Variants in R3HDM4 observed in about 807,000 individuals in gnomAD.
R3HDM4 encodes R3H domain containing 4, also known as R3H domain-containing protein 4.
Under a neutral mutation model 31.3 loss-of-function variants are expected in R3HDM4, and 30 were observed. The ratio of observed to expected loss-of-function variants is 0.96; its 90% CI spans 0.72 to 1.30. R3HDM4 has a LOEUF of 1.30. Ranked by LOEUF, R3HDM4 falls within the 50% of genes most tolerant of loss-of-function variation. The pLI, the probability that R3HDM4 is intolerant of heterozygous loss-of-function variation, is 0.00. For synonymous variants in R3HDM4, 196 were observed against 156.6 expected (o/e 1.25, Z -1.88); for missense variants, 444 against 366.1 (o/e 1.21, Z -1.74).
intron 1 of R3HDM4, among the ~76,000 whole-genome samples, chr19:911,410 C>G (rs564280384): frequency 1.3e-5 from 2 of 152,374 alleles, no homozygotes; most frequent in Non-Finnish European, 2.9e-5. Flanking sequence ...TGCCACTGCA[C>G]TCCAGCCTGG....
In R3HDM4 at chr19:900,108, T is replaced by C; in HGVS notation, c.514A>G (p.Ile172Val). 1.2e-6 allele frequency: 2 copies of C among 1,607,324 alleles called. No homozygotes were observed. Among genetic ancestry groups the C allele is most frequent in the Non-Finnish European group, 1.7e-6 (2 of 1,177,206 alleles). The change falls in exon 5 of 8, where the codon ATC becomes GTC. Residue 172 changes from isoleucine (I) to valine (V), a missense_variant. By Grantham distance (29) the Ile-to-Val change is conservative. Coordinates refer to ENST00000361574, the MANE Select transcript of R3HDM4 (RefSeq NM_138774.4). The stretch of plus-strand genomic sequence containing the variant: ...AGGACGGCTCGCAGACGCCGGCTGA[T>C]GCGCTGGAAGCACTCGCGGGGTGTA... ...AYTPRECFQR[I>V]SRRLRAVLKR...
At position 897,529 on chromosome 19, in the gene R3HDM4, C is replaced by T. The variant is rs2036756074; in HGVS notation, c.715G>A (p.Glu239Lys). 6.2e-7 allele frequency: 1 copy of T among 1,611,890 alleles called. No individual in the cohort carries two copies. The highest frequency in any genetic ancestry group is 8.5e-7 in the Non-Finnish European group (1 of 1,179,222). Reference sequence around the variant, plus strand: ...CTGACCTTCATCTGCCGCTTCCCCTCCAGGTCAGCACCTGCAGACGGGACC... The same window carrying T: ...CTGACCTTCATCTGCCGCTTCCCCTTCAGGTCAGCACCTGCAGACGGGACC... ...MDLISASADLEGKRQMKVSNR... is the reference protein window; with the variant it reads ...MDLISASADLKGKRQMKVSNR... The change falls in exon 8 of 8, where the codon GAG (glutamate) becomes AAG (lysine). Residue 239 changes from glutamate to lysine, a missense_variant. Coordinates refer to ENST00000361574, the MANE Select transcript of R3HDM4 (RefSeq NM_138774.4).
Position 906,714 on chromosome 19 carries a change from T to A in R3HDM4, c.72-4584A>T, listed in dbSNP as rs541487313. Reference sequence around the variant, plus strand: ...TGATCGTAAGTGTCGCTGGACTGAGTATTTTCCCCACATTGGGCTCATTTC... The same window carrying A: ...TGATCGTAAGTGTCGCTGGACTGAGAATTTTCCCCACATTGGGCTCATTTC... On this transcript the variant is annotated intron_variant, in intron 1 of 7. Coordinates refer to ENST00000361574, the MANE Select transcript of R3HDM4 (RefSeq NM_138774.4). 4.6e-5 allele frequency among the ~76,000 whole-genome samples: 7 copies of A among 152,190 alleles called. No individual in the cohort carries two copies. The South Asian group carries it at 1.5e-3, about 32-fold the overall frequency.
chr19:903,027 G>A (rs1156452890), intron 1 of R3HDM4, among the ~76,000 whole-genome samples: 1 of 152,216 alleles, frequency 6.6e-6, no homozygotes, highest in Non-Finnish European at 1.5e-5. Context: ...CACAGCAGGT[G>A]AATGACCAAG....
Position 907,189 on chromosome 19 carries a change from A to G in R3HDM4, c.72-5059T>C, listed in dbSNP as rs1214023393. On this transcript the variant is annotated intron_variant, in intron 1 of 7. Coordinates refer to ENST00000361574, the MANE Select transcript of R3HDM4 (RefSeq NM_138774.4). This position sits in a 1 kb window ranked among gnomAD's most constrained non-coding sequence, Gnocchi z 4.1. ...CCATTGCTGCAAAGAGGGCAGCTGG[A>G]GAAGGAGGTGGTGGACCATGCCCTC... Among the ~76,000 whole-genome samples, 2 of 152,174 alleles carry G rather than the reference A, an allele frequency of 1.3e-5. No individual in the cohort carries two copies. The highest frequency in any genetic ancestry group is 4.8e-5 in the African/African-American group (2 of 41,444).
At position 911,718 on chromosome 19, in the gene R3HDM4, C is replaced by A. The variant is rs541845719; in HGVS notation, c.71+1369G>T. ...CCTCCACCAACACGGACCCCAGGGG[C>A]GCACCCTGGGTCCCCGGGTCCCTGT... On this transcript the variant is annotated intron_variant, in intron 1 of 7. Transcript: ENST00000361574. 9.2e-5 allele frequency among the ~76,000 whole-genome samples: 14 copies of A among 152,104 alleles called. 1 individual carries two copies. In the South Asian group the frequency reaches 2.9e-3, roughly 32 times the overall value.
At chr19:910,942 AC>A (rs1318293911) in intron 1 of R3HDM4, among the ~76,000 whole-genome samples, 23 of 150,752 alleles carry the variant, frequency 1.5e-4, no homozygotes, top group Non-Finnish European at 2.1e-4. Context: ...ACACGGCAAA[AC>A]CCCCGTCTCT....
intron 1 of R3HDM4, 128 bp downstream of exon 1, chr19:912,959 G>T (rs951888912): frequency 2.3e-5 from 6 of 258,274 alleles, no homozygotes; most frequent in Non-Finnish European, 3.1e-5. Context: ...TGAGCAACGG[G>T]AGCGAGGGGA....
intron 1 of R3HDM4, among the ~76,000 whole-genome samples, chr19:909,377 G>A (rs752940858): frequency 6.6e-5 from 10 of 152,128 alleles, no homozygotes; most frequent in Admixed American, 1.3e-4. Flanking sequence ...AGACTGCGGC[G>A]GCCCCCAGCA....
intron 1 of R3HDM4, among the ~76,000 whole-genome samples, chr19:905,990 A>G (rs1324404314): frequency 6.6e-6 from 1 of 151,780 alleles, no homozygotes; most frequent in Non-Finnish European, 1.5e-5. Flanking sequence ...ATCTCAGCCC[A>G]GGGTGTGAAC....
At position 899,717 on chromosome 19, in the gene R3HDM4, T is replaced by A. The variant is rs1027392308; in HGVS notation, c.562-31A>T. 6.6e-7 allele frequency: 1 copy of A among 1,508,790 alleles called. No individual in the cohort carries two copies. Among genetic ancestry groups the A allele is most frequent in the Non-Finnish European group, 8.9e-7 (1 of 1,125,434 alleles). The allele number at this position is 1,508,790 out of a possible 1,614,324, so 93.5% of individuals were successfully genotyped here. The stretch of plus-strand genomic sequence containing the variant: ...GAGAGCGGCCCGGTGGTCAGGGAAC[T>A]GCGGGACCTGTGGGTGGGGGGCCAG... On this transcript the variant is annotated intron_variant, in intron 5 of 7. Transcript: ENST00000361574. The surrounding 1 kb of genome is among the most constrained non-coding windows in gnomAD (Gnocchi z 6.8).
At chr19:910,665 C>T (rs1242927384) in intron 1 of R3HDM4, among the ~76,000 whole-genome samples, 1 of 151,832 alleles carries the variant, frequency 6.6e-6, no homozygotes, top group East Asian at 1.9e-4. Context: ...GCCAATAGAC[C>T]GAGACTCTGT....
intron 1 of R3HDM4, among the ~76,000 whole-genome samples, chr19:905,684 CAAAA>C (rs35211343): frequency 3.0e-5 from 2 of 66,308 alleles, no homozygotes; most frequent in Non-Finnish European, 3.3e-5. Context: ...GACTCTGTCT[CAAAA>C]AAAAAAAAAA....
intron 2 of R3HDM4, 179 bp from the exon 3 acceptor site, chr19:901,725 A>C: frequency 1.1e-6 from 1 of 911,162 alleles, no homozygotes; most frequent in Non-Finnish European, 1.6e-6. Context: ...GGATTGTCGA[A>C]CTCCTATATA....
rs545052638 is a variant in R3HDM4 at position 899,177 on chromosome 19, C to G, written c.703+263G>C. ...GCTTCATCACCCCCACCCCGGGCCC[C>G]GAAGATGCAGATGGAGGAGTGTCTG... is the stretch of plus-strand genomic sequence containing the variant. On this transcript the variant is annotated intron_variant, in intron 7 of 7. Transcript: ENST00000361574. The surrounding 1 kb of genome is among the most constrained non-coding windows in gnomAD (Gnocchi z 6.8). Among the ~76,000 whole-genome samples the G allele has an allele frequency of 6.6e-6, 1 of 152,122 alleles. No homozygotes were observed. Among genetic ancestry groups the G allele is most frequent in the African/African-American group, 2.4e-5 (1 of 41,426 alleles).
At chr19:904,846 G>A (rs535257823) in intron 1 of R3HDM4, among the ~76,000 whole-genome samples, 39 of 152,238 alleles carry the variant, frequency 2.6e-4, no homozygotes, top group Non-Finnish European at 4.1e-4. Context: ...CCACACACAT[G>A]TAAAGAGTCC....
Position 901,530 on chromosome 19 carries a change from G to A in R3HDM4, c.243C>T (p.Thr81=), listed in dbSNP as rs201753248. The change falls in exon 3 of 8, where the codon ACC becomes ACT. Residue 81 remains threonine, a synonymous_variant. Transcript: ENST00000361574. ...QRLENTQYLL[T]LLETDGGLPG... ...GCAGGCCCCCGTCTGTCTCCAGCAG[G>A]GTCAGGAGGTACTGGGCTAGGTGGA... The A allele has an allele frequency of 6.2e-7, 1 of 1,606,626 alleles. No homozygotes were observed. The highest frequency in any genetic ancestry group is 8.5e-7 in the Non-Finnish European group (1 of 1,179,670).
chr19:910,824 T>C (rs1250200249), intron 1 of R3HDM4, among the ~76,000 whole-genome samples: 1 of 151,910 alleles, frequency 6.6e-6, no homozygotes, highest in African/African-American at 2.4e-5. Flanking sequence ...TAAATGATCA[T>C]TTAAAAATAA....
chr19:902,036 G>T lies in R3HDM4; in HGVS notation c.166C>A (p.Arg56=), dbSNP rs1207281237. The T allele has an allele frequency of 4.3e-6, 7 of 1,613,808 alleles. No homozygotes were observed. Among genetic ancestry groups the T allele is most frequent in the African/African-American group, 1.3e-5 (1 of 74,948 alleles). Residue 56 remains arginine, a synonymous_variant, in exon 2 of 8, where the codon CGG becomes AGG. Transcript: ENST00000361574. ...RKQHFINQAV[R]NSDLVPKAKG... ...GCCTTGGGCACGAGGTCTGAGTTCC[G>T]CACTGCCTGGTTGATGAAGTGCTGT...
Sources: gnomAD v4.1 joint callset for allele counts (sites outside exome capture counted in the v4.1 genomes callset) on GRCh38, gnomAD v4.1.1 for gene constraint, Gnocchi (gnomAD v3.1) non-coding constraint, MANE v1.5 for transcripts, NCBI Gene and HGNC (gene_info 2026-07-23, HGNC 2026-07-21) for gene names.